The following MACF1 variants were observed in gnomAD, a reference collection of about 807,000 sequenced individuals.
MACF1 encodes microtubule actin crosslinking factor 1.
MACF1 carries 193 observed loss-of-function variants against 854.8 expected under a neutral mutation model. The observed-to-expected ratio is 0.23, with a 90% CI of 0.20 to 0.25. The LOEUF is 0.25. Among genes scored for constraint, MACF1 ranks in the 10% least tolerant of loss-of-function variants. The pLI is 1.00. For synonymous variants in MACF1, 3,185 were observed against 3,226.7 expected (o/e 0.99, Z 0.44); for missense variants, 7,722 against 8,929.1 (o/e 0.86, Z 5.45).
rs552849020 is a variant in MACF1, at chr1:39,344,378, G to A, written c.10582-2599G>A. Reference sequence around the variant, plus strand: ...ACCCGGGAGGTGGAGATTGCAATGAGCTGAGATCGTGCCACTGGACTCCAG... The same window carrying A: ...ACCCGGGAGGTGGAGATTGCAATGAACTGAGATCGTGCCACTGGACTCCAG... On this transcript the variant is annotated intron_variant, in intron 40 of 100. Transcript: ENST00000564288. Among the ~76,000 whole-genome samples the A allele has an allele frequency of 1.6e-3, 249 of 151,556 alleles. 1 individual carries two copies. The highest frequency in any genetic ancestry group is 5.8e-3 in the African/African-American group (238 of 41,292).
chr1:39,291,838 A>G, intron 15 of MACF1, 72 bp from the exon 16 acceptor site: 2 of 1,508,328 alleles, frequency 1.3e-6, no homozygotes, highest in South Asian at 1.3e-5. Context: ...TCCTTGTCCT[A>G]ACATTGGTTC....
chr1:39,095,833 T>C (rs687241), intron 2 of MACF1, among the ~76,000 whole-genome samples: 150,579 of 151,936 alleles, frequency 0.99, 74,624 homozygotes, highest in East Asian at 1. Flanking sequence ...ATGATTGTAC[T>C]ACTACACTCC....
intron 35 of MACF1, 21 bp from the exon 36 acceptor site, chr1:39,327,197 C>CTT (rs566164092): frequency 1.2e-4 from 188 of 1,542,282 alleles, no homozygotes; most frequent in Non-Finnish European, 1.6e-4. Context: ...CCTAAAAAAG[C>CTT]TTTAATGCTT....
chr1:39,480,067 T>C, intron 98 of MACF1, 58 bp downstream of exon 98: 1 of 1,072,194 alleles, frequency 9.3e-7, no homozygotes, highest in Non-Finnish European at 1.4e-6. Context: ...CAGATGTTCA[T>C]TGTTCACGGT....
chr1:39,094,012 C>T (rs1488049548), intron 2 of MACF1, among the ~76,000 whole-genome samples: 1 of 150,776 alleles, frequency 6.6e-6, no homozygotes, highest in Non-Finnish European at 1.5e-5. Flanking sequence ...CTCCTGACCT[C>T]AGGTGATCCA....
At chr1:39,210,067 G>A (rs1177797747) in intron 1 of MACF1, among the ~76,000 whole-genome samples, 2 of 151,382 alleles carry the variant, frequency 1.3e-5, no homozygotes. Flanking sequence ...TCCAGCCTGG[G>A]CAACAGAGTG....
chr1:39,305,689 G>A (rs1215400344), intron 23 of MACF1, among the ~76,000 whole-genome samples: 2 of 152,146 alleles, frequency 1.3e-5, no homozygotes, highest in Non-Finnish European at 2.9e-5. Flanking sequence ...CTATTGTGAG[G>A]CGACTGTGCC....
Position 39,285,556 on chromosome 1 carries a change from G to A in MACF1, c.1354-48G>A, listed in dbSNP as rs573665298. 6.8e-5 allele frequency: 109 copies of A among 1,591,518 alleles called. No homozygotes were observed. The South Asian group carries it at 1.1e-3, about 16-fold the overall frequency. On this transcript the variant is annotated intron_variant, in intron 13 of 100. Transcript: ENST00000564288. ...TTCTTGGCTCCCTCTGTCCTAGTGA[G>A]TGGGGCAATGGAAGTTTTCCCACTG...
At chr1:39,414,014 C>A in intron 58 of MACF1, 3 of 1,608,788 alleles carry the variant, frequency 1.9e-6, no homozygotes, top group Non-Finnish European at 2.5e-6. Flanking sequence ...GCAGTGCCCA[C>A]CCTAGAGGAA....
chr1:39,444,277 G>A (rs1310720307), intron 79 of MACF1, among the ~76,000 whole-genome samples: 1 of 152,022 alleles, frequency 6.6e-6, no homozygotes, highest in African/African-American at 2.4e-5. Context: ...GGAGCTTGCA[G>A]TAAGCCGAGA....
At chr1:39,182,948 A>G (rs1372294734) in intron 2 of MACF1, among the ~76,000 whole-genome samples, 1 of 152,234 alleles carries the variant, frequency 6.6e-6, no homozygotes, top group African/African-American at 2.4e-5. Flanking sequence ...AAGCAGAAAC[A>G]GCTGAAACAT....
chr1:39,459,059 T>C, intron 90 of MACF1, 27 bp from the exon 91 acceptor site: 2 of 1,598,000 alleles, frequency 1.3e-6, no homozygotes, highest in Non-Finnish European at 1.7e-6. Flanking sequence ...CCAGCTGTTC[T>C]AATCTTGTGA....
intron 2 of MACF1, among the ~76,000 whole-genome samples, chr1:39,121,440 TTTTATTTATTTA>T (rs551997214): frequency 3.9e-5 from 6 of 152,100 alleles, no homozygotes; most frequent in African/African-American, 1.2e-4. Context: ...TTTTGTTTTA[TTTTATTTATTTA>T]TTTATTTATT....
At chr1:39,304,622 G>A in intron 23 of MACF1, 1 of 565,548 alleles carries the variant, frequency 1.8e-6, no homozygotes, top group East Asian at 3.7e-5. Context: ...GGAGTGCAGT[G>A]GCACTATTTC....
chr1:39,285,157 G>C lies in MACF1; in HGVS notation c.1206G>C (p.Lys402Asn). The C allele has an allele frequency of 6.2e-7, 1 of 1,614,208 alleles. No individual in the cohort carries two copies. The highest frequency in any genetic ancestry group is 8.5e-7 in the Non-Finnish European group (1 of 1,180,038). Residue 402 changes from lysine to asparagine, a missense_variant, in exon 12 of 101, where the codon AAG becomes AAC. Coordinates refer to ENST00000564288, the MANE Select transcript of MACF1 (RefSeq NM_001394062.1). ...ATGATGTGGAAGAAGAGTGGGGAAA[G>C]CTCATCATAGAGATGCTGGAACGAG... Reference protein sequence around the residue: ...HPNDVEEEWGKLIIEMLEREK... With the variant: ...HPNDVEEEWGNLIIEMLEREK...
chr1:39,258,918 C>G (rs1379395823), intron 6 of MACF1, among the ~76,000 whole-genome samples: 3 of 152,150 alleles, frequency 2.0e-5, no homozygotes, highest in African/African-American at 4.8e-5. Context: ...TCTTGAGGCT[C>G]TAGTTTGGAA....
At position 39,333,703 on chromosome 1, in the gene MACF1, G is replaced by A. The variant is rs1249575021; in HGVS notation, c.7115G>A (p.Gly2372Asp). Reference protein sequence around the residue: ...NVLMADKAISGVLDPRTQTLC... With the variant: ...NVLMADKAISDVLDPRTQTLC... ...CTCATGGCAGACAAAGCTATAAGTG[G>A]TGTCTTAGACCCCCGTACCCAGACA... is the stretch of plus-strand genomic sequence containing the variant. Residue 2372 changes from glycine to aspartate, a missense_variant, in exon 37 of 101, where the codon GGT becomes GAT. By Grantham distance (94) the Gly-to-Asp change is moderately conservative. Transcript: ENST00000564288. The A allele has an allele frequency of 6.2e-7, 1 of 1,614,166 alleles. No homozygotes were observed. The highest frequency in any genetic ancestry group is 1.7e-5 in the Admixed American group (1 of 60,026).
In MACF1 at chr1:39,331,894, A is replaced by G. The variant is rs748818109; in HGVS notation, c.5306A>G (p.Gln1769Arg). ...GTCACTGTCCGGTTGCTGGAAGCTC[A>G]GCTTTTTGCTGGTGGCATAGTAGAT... Reference protein sequence around the residue: ...RQVTVRLLEAQLFAGGIVDPR... With the variant: ...RQVTVRLLEARLFAGGIVDPR... The change falls in exon 37 of 101, where the codon CAG (glutamine) becomes CGG (arginine). Residue 1769 changes from glutamine (Q) to arginine (R), a missense_variant. Physicochemically the swap from Gln to Arg is conservative, Grantham distance 43 (BLOSUM62 1). Coordinates refer to ENST00000564288, the MANE Select transcript of MACF1 (RefSeq NM_001394062.1). The G allele has an allele frequency of 6.2e-7, 1 of 1,614,106 alleles. No homozygotes were observed. Among genetic ancestry groups the G allele is most frequent in the South Asian group, 1.1e-5 (1 of 91,078 alleles).
At chr1:39,368,429 T>A in intron 50 of MACF1, 115 bp downstream of exon 50, 1 of 1,060,294 alleles carries the variant, frequency 9.4e-7, no homozygotes, top group Non-Finnish European at 1.4e-6. Flanking sequence ...AAAATTCTAC[T>A]ACTGAGTTGT....
Sources: allele counts gnomAD v4.1 joint callset (sites outside exome capture counted in the v4.1 genomes callset), GRCh38; gene constraint gnomAD v4.1.1; transcripts MANE v1.5; gene names NCBI Gene and HGNC (gene_info 2026-07-23, HGNC 2026-07-21).